Variants in DGKG observed in about 807,000 individuals in gnomAD.
DGKG encodes DAG kinase gamma.
DGKG carries 78 observed loss-of-function variants against 105.3 expected under a neutral mutation model. That is an observed-to-expected ratio of 0.74 (90% CI 0.62 to 0.89). The LOEUF is 0.89. Ranked by LOEUF, DGKG falls within the 40% of genes least tolerant of loss-of-function variation. DGKG has a pLI of 0.00. For synonymous variants in DGKG, 346 were observed against 367.1 expected (o/e 0.94, Z 0.66); for missense variants, 958 against 1,020.1 (o/e 0.94, Z 0.83).
At chr3:186,257,681 C>CTTTT (rs34393958) in intron 17 of DGKG, 173 bp downstream of exon 17, 85 of 462,044 alleles carry the variant, frequency 1.8e-4, no homozygotes, top group Middle Eastern at 4.2e-4. Context: ...TGTCTTATTT[C>CTTTT]TTTTTTTTTT....
At chr3:186,244,555 C>T (rs774168437) in intron 19 of DGKG, among the ~76,000 whole-genome samples, 6 of 151,878 alleles carry the variant, frequency 4.0e-5, no homozygotes, top group Non-Finnish European at 8.8e-5. Context: ...CAGGCATCCG[C>T]CACCATGTCG....
chr3:186,154,644 C>CAAAAAAA (rs60767699), intron 24 of DGKG, among the ~76,000 whole-genome samples: 2 of 39,946 alleles, frequency 5.0e-5, no homozygotes, highest in African/African-American at 1.7e-4. Flanking sequence ...GACTCTGTCT[C>CAAAAAAA]AAAAAAAAAA....
chr3:186,278,787 A>G (rs1386890735), intron 9 of DGKG, among the ~76,000 whole-genome samples: 2 of 152,160 alleles, frequency 1.3e-5, no homozygotes, highest in Non-Finnish European at 2.9e-5. Context: ...ACCCAGCTGC[A>G]CTTGCTGCCC....
At chr3:186,252,916 A>C (rs184467849) in intron 18 of DGKG, among the ~76,000 whole-genome samples, 177 bp downstream of exon 18, 1 of 152,338 alleles carries the variant, frequency 6.6e-6, no homozygotes. Flanking sequence ...CTTCTATTCT[A>C]GATTCAGCAT....
chr3:186,352,259 T>A lies in DGKG; in HGVS notation c.-249+9687A>T, dbSNP rs574073081. 8.0e-4 allele frequency among the ~76,000 whole-genome samples: 122 copies of A among 152,286 alleles called. 2 individuals carry two copies. The South Asian group carries it at 8.1e-3, about 10-fold the overall frequency. ...AGAAGTGGACATTGGTCTGAGTCAA[T>A]AGACGGCTACTGGGACAGCTCAGTT... On this transcript the variant is annotated intron_variant, in intron 1 of 24. Transcript: ENST00000265022.
Position 186,149,770 on chromosome 3 carries a change from C to T in DGKG, c.*320G>A, listed in dbSNP as rs1378532351. On this transcript the variant is annotated 3_prime_UTR_variant, in exon 25 of 25. Transcript: ENST00000265022. ...GCTGGTAGAAAGAAAGGGGGATTTCCCTTCAGTCTCAGAAAATTCTGCTCA... is the reference window on the plus strand; with the variant it reads ...GCTGGTAGAAAGAAAGGGGGATTTCTCTTCAGTCTCAGAAAATTCTGCTCA... 20 of 1,067,558 alleles carry T rather than the reference C, an allele frequency of 1.9e-5. No homozygotes were observed. Among genetic ancestry groups the T allele is most frequent in the South Asian group, 1.9e-4 (5 of 26,714 alleles). 66.1% of individuals were successfully genotyped at this position (1,067,558 alleles called of 1,614,324 possible). A position where few individuals can be genotyped will look rare whatever the true frequency, so the allele number is the denominator to read the frequency against.
intron 1 of DGKG, among the ~76,000 whole-genome samples, chr3:186,334,563 C>G (rs1725742840): frequency 2.0e-5 from 3 of 152,246 alleles, no homozygotes; most frequent in African/African-American, 7.2e-5. Flanking sequence ...ATGGCCTCCT[C>G]TACCCCAGAG....
intron 1 of DGKG, among the ~76,000 whole-genome samples, chr3:186,346,309 C>T (rs1726328870): frequency 6.6e-6 from 1 of 152,166 alleles, no homozygotes; most frequent in South Asian, 2.1e-4. Flanking sequence ...ATTTTCATCT[C>T]AGCTTTATTC....
At chr3:186,268,626 G>A (rs1722169903) in intron 12 of DGKG, among the ~76,000 whole-genome samples, 175 bp downstream of exon 12, 1 of 152,204 alleles carries the variant, frequency 6.6e-6, no homozygotes, top group African/African-American at 2.4e-5. Flanking sequence ...GGGCAGCTTG[G>A]TAATTCACTG....
chr3:186,324,827 C>T (rs1284522216), intron 1 of DGKG, among the ~76,000 whole-genome samples: 2 of 152,240 alleles, frequency 1.3e-5, no homozygotes, highest in African/African-American at 4.8e-5. Context: ...ATGCAGCAAT[C>T]CCATTACTGG....
intron 1 of DGKG, among the ~76,000 whole-genome samples, chr3:186,354,787 G>A (rs961807545): frequency 6.6e-6 from 1 of 152,170 alleles, no homozygotes; most frequent in Non-Finnish European, 1.5e-5. Flanking sequence ...AAAAGGAAGT[G>A]AAAAGAGGAG....
intron 22 of DGKG, among the ~76,000 whole-genome samples, chr3:186,174,652 CTGTGTGTG>C (rs67342971): frequency 0.056 from 8,204 of 145,828 alleles, 399 homozygotes; most frequent in African/African-American, 0.12. Flanking sequence ...TTCCCTGCGG[CTGTGTGTG>C]TGTGTGTGTG....
At chr3:186,292,142 G>A (rs376547083) in intron 5 of DGKG, among the ~76,000 whole-genome samples, 2 of 152,226 alleles carry the variant, frequency 1.3e-5, no homozygotes, top group East Asian at 3.9e-4. Context: ...TCCTGTCCTG[G>A]TGCCATGTCC....
intron 23 of DGKG, among the ~76,000 whole-genome samples, chr3:186,162,538 T>C (rs765500957): frequency 2.6e-5 from 4 of 152,034 alleles, no homozygotes; most frequent in Non-Finnish European, 5.9e-5. Flanking sequence ...TCAGTCCTGG[T>C]TTTTGTTTTG....
At chr3:186,275,727 C>A (rs563507623) in intron 9 of DGKG, 63 bp from the exon 10 acceptor site, 15 of 1,087,302 alleles carry the variant, frequency 1.4e-5, no homozygotes, top group Non-Finnish European at 2.0e-5. Context: ...AAGCCAGGGG[C>A]TGCCTCTTGC....
chr3:186,279,447 A>AT (rs1404904353), intron 9 of DGKG: 2 of 155,736 alleles, frequency 1.3e-5, no homozygotes, highest in African/African-American at 4.8e-5. Context: ...ACAGATCCGT[A>AT]TTTTTTCCTC....
Position 186,306,972 on chromosome 3 carries a change from A to G in DGKG, c.73T>C (p.Ser25Pro). The G allele has an allele frequency of 6.2e-7, 1 of 1,610,256 alleles. No homozygotes were observed. The highest frequency in any genetic ancestry group is 8.5e-7 in the Non-Finnish European group (1 of 1,176,542). Residue 25 changes from serine to proline, a missense_variant, in exon 3 of 25, where the codon TCC (serine) becomes CCC (proline). This residue lies in a region of DGKG where 643 missense variants were observed against 619.5 expected (regional missense o/e 1.04). Coordinates refer to ENST00000265022, the MANE Select transcript of DGKG (RefSeq NM_001346.3). ...DQLQKYSEYS[S>P]KKIKDALTEF... is the part of the protein sequence containing the mutation. ...GTCAAGGCATCTTTTATCTTCTTGG[A>G]GGAATCTGAAGAGACACAATTCACA...
intron 22 of DGKG, among the ~76,000 whole-genome samples, chr3:186,186,423 A>T (rs1266360369): frequency 6.6e-6 from 1 of 152,218 alleles, no homozygotes; most frequent in Non-Finnish European, 1.5e-5. Flanking sequence ...CTGGCAGCCC[A>T]TCAGAGTCAT....
chr3:186,176,494 T>C (rs1328880206), intron 22 of DGKG, among the ~76,000 whole-genome samples: 1 of 151,870 alleles, frequency 6.6e-6, no homozygotes, highest in African/African-American at 2.4e-5. Context: ...TGGAGGAGAG[T>C]CACGACAGGG....
Sources: allele counts gnomAD v4.1 joint callset (sites outside exome capture counted in the v4.1 genomes callset), GRCh38; gene constraint gnomAD v4.1.1; regional missense constraint gnomAD v4.1.1; transcripts MANE v1.5; gene names NCBI Gene and HGNC (gene_info 2026-07-23, HGNC 2026-07-21).